Variants in SLC9D1 observed in about 807,000 individuals in gnomAD.
SLC9D1 encodes solute carrier family 9 member D1.
the SLC9D1 span, chr13:113,549,520 G>C: frequency 1.2e-6 from 2 of 1,614,166 alleles, no homozygotes; most frequent in Non-Finnish European, 1.7e-6. Flanking sequence ...CCAGACCGGA[G>C]AGACGGTCCA....
the SLC9D1 span, among the ~76,000 whole-genome samples, chr13:113,521,188 A>G: frequency 2.7e-5 from 4 of 149,870 alleles, no homozygotes; most frequent in African/African-American, 9.9e-5. Context: ...ATTCACGTGT[A>G]TCTGCATGTA....
the SLC9D1 span, among the ~76,000 whole-genome samples, chr13:113,493,377 C>G: frequency 6.6e-6 from 1 of 152,124 alleles, no homozygotes; most frequent in East Asian, 1.9e-4. Context: ...AGATTTCTGT[C>G]TTGGTTCTGG....
chr13:113,509,385 C>T, the SLC9D1 span, among the ~76,000 whole-genome samples: 8 of 138,654 alleles, frequency 5.8e-5, 1 homozygote, highest in African/African-American at 1.8e-4. Flanking sequence ...GTGGGTGGGT[C>T]CTCTGGAGCT....
the SLC9D1 span, among the ~76,000 whole-genome samples, chr13:113,502,571 C>T: frequency 3.3e-5 from 5 of 152,154 alleles, no homozygotes; most frequent in South Asian, 2.1e-4. Context: ...TAGCCCCAGT[C>T]GAGGCAGTGG....
the SLC9D1 span, chr13:113,510,499 G>A: frequency 2.1e-6 from 3 of 1,426,458 alleles, no homozygotes; most frequent in African/African-American, 2.8e-5. Context: ...CACAGTTGAG[G>A]GCATGTGAGG....
At chr13:113,525,919 A>C in the SLC9D1 span, among the ~76,000 whole-genome samples, 11 of 152,126 alleles carry the variant, frequency 7.2e-5, no homozygotes, top group Non-Finnish European at 1.3e-4. Flanking sequence ...TCGTCGTCGT[A>C]GGAGACGACA....
the SLC9D1 span, chr13:113,539,529 A>G: frequency 6.2e-7 from 1 of 1,608,558 alleles, no homozygotes; most frequent in Non-Finnish European, 8.5e-7. The surrounding 1 kb of genome is among the most constrained non-coding windows in gnomAD (Gnocchi z 4.8). Context: ...TCTTTACATT[A>G]TGATTGTGTT....
chr13:113,496,129 G>A, the SLC9D1 span: 1 of 817,204 alleles, frequency 1.2e-6, no homozygotes, highest in South Asian at 1.8e-5. Flanking sequence ...AGCCCACACG[G>A]AGCTGGGGAG....
the SLC9D1 span, chr13:113,498,211 C>T: frequency 4.5e-6 from 3 of 662,264 alleles, 1 homozygote; most frequent in South Asian, 5.5e-5. Flanking sequence ...ACGTGACTTC[C>T]CTAGCTGACC....
chr13:113,510,547 C>G, the SLC9D1 span: 2 of 879,764 alleles, frequency 2.3e-6, no homozygotes, highest in Admixed American at 5.2e-5. Flanking sequence ...TTAGGACTTT[C>G]CTAACCATGG....
chr13:113,496,263 TCTTA>T, the SLC9D1 span, among the ~76,000 whole-genome samples: 7 of 152,236 alleles, frequency 4.6e-5, no homozygotes, highest in African/African-American at 1.2e-4. Flanking sequence ...ATAGTGTAGC[TCTTA>T]CTTCTAGAAG....
chr13:113,495,510 G>T, the SLC9D1 span: 1 of 1,046,916 alleles, frequency 9.6e-7, no homozygotes, highest in Admixed American at 2.3e-5. Context: ...AGCTGAAAAT[G>T]TGTGTCTGAC....
the SLC9D1 span, chr13:113,523,997 T>G: frequency 7.3e-6 from 3 of 409,854 alleles, no homozygotes; most frequent in South Asian, 5.3e-5. Flanking sequence ...ATTTCAGTTC[T>G]TCTACATTTG....
chr13:113,505,329 A>T, the SLC9D1 span: 1 of 152,212 alleles, frequency 6.6e-6, no homozygotes, highest in Admixed American at 6.5e-5. Context: ...TTGACCTGGT[A>T]GTTCTTCTAG....
chr13:113,527,281 C>A, the SLC9D1 span: 1 of 152,226 alleles, frequency 6.6e-6, no homozygotes, highest in South Asian at 2.1e-4. Context: ...TCTTCTTTCC[C>A]TTCTGATGTT....
At chr13:113,539,498 G>A in the SLC9D1 span, 10 of 1,611,832 alleles carry the variant, frequency 6.2e-6, no homozygotes, top group East Asian at 2.2e-5. This position sits in a 1 kb window ranked among gnomAD's most constrained non-coding sequence, Gnocchi z 4.8. Flanking sequence ...CGTTTTCTTC[G>A]CCTCCATAGG....
chr13:113,517,302 A>T, the SLC9D1 span, among the ~76,000 whole-genome samples: 1 of 152,104 alleles, frequency 6.6e-6, no homozygotes, highest in Non-Finnish European at 1.5e-5. Context: ...GCACAATTTC[A>T]GCTCACTGCA....
At chr13:113,534,897 T>G in the SLC9D1 span, 1 of 151,930 alleles carries the variant, frequency 6.6e-6, no homozygotes, top group African/African-American at 2.4e-5. Flanking sequence ...CTGGCTAACA[T>G]GATGAAACCC....
the SLC9D1 span, chr13:113,548,446 T>C: frequency 6.2e-7 from 1 of 1,605,202 alleles, no homozygotes; most frequent in Non-Finnish European, 8.5e-7. Context: ...GCGTCATCTC[T>C]CGGGAGGTGA....
Sources: gnomAD v4.1 joint callset for allele counts (sites outside exome capture counted in the v4.1 genomes callset) on GRCh38, gnomAD v4.1.1 for gene constraint, Gnocchi (gnomAD v3.1) non-coding constraint, MANE v1.5 for transcripts, NCBI Gene and HGNC (gene_info 2026-07-23, HGNC 2026-07-21) for gene names.